MCUB: variants seen among roughly 807,000 people sequenced by gnomAD.
MCUB encodes calcium uniporter regulatory subunit MCUb, mitochondrial.
In MCUB, 46 loss-of-function variants were observed where a neutral mutation model predicts 41.4. The ratio of observed to expected loss-of-function variants is 1.11; its 90% confidence interval spans 0.88 to 1.42. The LOEUF (loss-of-function observed/expected upper bound fraction) is 1.42, where lower values mean the gene tolerates loss of function less well. MCUB is among the 40% of genes most tolerant of loss of function. The probability of loss-of-function intolerance (pLI) is 0.00; values close to 1 mark genes in which losing one functional copy is unlikely to be tolerated. For synonymous variants in MCUB, 148 were observed against 148.2 expected (o/e 1.00, Z 0.01); for missense variants, 403 against 404.9 (o/e 1.00, Z 0.04).
At chr4:109,619,630 C>G (rs1314178164) in intron 1 of MCUB, among the ~76,000 whole-genome samples, 1 of 152,078 alleles carries the variant, frequency 6.6e-6, no homozygotes, top group East Asian at 1.9e-4. Flanking sequence ...TCACTTGAAC[C>G]TGGGAGGTGG....
chr4:109,626,626 G>A (rs1030948660), intron 1 of MCUB, among the ~76,000 whole-genome samples: 1 of 151,862 alleles, frequency 6.6e-6, no homozygotes, highest in Non-Finnish European at 1.5e-5. Context: ...AGGCCTGGCC[G>A]ACATGGCAAA....
chr4:109,638,202 C>G (rs940227435), intron 1 of MCUB, among the ~76,000 whole-genome samples: 2 of 151,946 alleles, frequency 1.3e-5, no homozygotes, highest in Non-Finnish European at 1.5e-5. Flanking sequence ...CAAAAAAATA[C>G]AAAAATTAGC....
At chr4:109,685,051 G>A in intron 6 of MCUB, 200 bp from the exon 7 acceptor site, 1 of 420,994 alleles carries the variant, frequency 2.4e-6, no homozygotes. Context: ...CAGCTTGCCT[G>A]TTTTTGAAAG....
intron 1 of MCUB, among the ~76,000 whole-genome samples, chr4:109,638,499 G>T (rs1283769430): frequency 6.6e-6 from 1 of 150,788 alleles, no homozygotes; most frequent in Non-Finnish European, 1.5e-5. Flanking sequence ...TCATCTTTTT[G>T]CTGCTAGAGG....
At chr4:109,610,907 G>A (rs1727995064) in intron 1 of MCUB, among the ~76,000 whole-genome samples, 1 of 152,138 alleles carries the variant, frequency 6.6e-6, no homozygotes, top group Non-Finnish European at 1.5e-5. Flanking sequence ...GCAGAAAGAT[G>A]AGTATCTTCT....
chr4:109,620,096 G>A (rs551425133), intron 1 of MCUB, among the ~76,000 whole-genome samples: 6 of 152,306 alleles, frequency 3.9e-5, no homozygotes, highest in African/African-American at 1.4e-4. Flanking sequence ...TAAGGACAGT[G>A]TTGGAGGAAC....
At chr4:109,591,562 T>G (rs1254788495) in intron 1 of MCUB, among the ~76,000 whole-genome samples, 1 of 152,098 alleles carries the variant, frequency 6.6e-6, no homozygotes, top group Admixed American at 6.6e-5. Flanking sequence ...TCAGTAGACT[T>G]GGGGGAGGGG....
At chr4:109,584,614 A>G (rs980943963) in intron 1 of MCUB, among the ~76,000 whole-genome samples, 2 of 152,130 alleles carry the variant, frequency 1.3e-5, no homozygotes, top group Non-Finnish European at 2.9e-5. Context: ...CCCTCCACAC[A>G]TTGCTTTAAA....
chr4:109,620,710 A>C (rs1469520522), intron 1 of MCUB, among the ~76,000 whole-genome samples: 1 of 151,964 alleles, frequency 6.6e-6, no homozygotes, highest in Non-Finnish European at 1.5e-5. Context: ...AAAAGTAAAG[A>C]GTATTGATTA....
At chr4:109,601,153 A>G (rs1257762339) in intron 1 of MCUB, among the ~76,000 whole-genome samples, 1 of 152,108 alleles carries the variant, frequency 6.6e-6, no homozygotes, top group African/African-American at 2.4e-5. Context: ...TAGTAGGTGT[A>G]TATATTTATG....
At chr4:109,586,772 A>G (rs569785934) in intron 1 of MCUB, among the ~76,000 whole-genome samples, 10 of 152,294 alleles carry the variant, frequency 6.6e-5, no homozygotes, top group Admixed American at 1.3e-4. Flanking sequence ...TTGCCTGGGT[A>G]TCACTAGCAG....
chr4:109,591,650 A>C (rs756836617), intron 1 of MCUB, among the ~76,000 whole-genome samples: 23 of 152,204 alleles, frequency 1.5e-4, no homozygotes, highest in Non-Finnish European at 2.5e-4. Flanking sequence ...ATCAATAACT[A>C]GAGAGAGAAT....
chr4:109,595,079 C>T (rs1340417450), intron 1 of MCUB, among the ~76,000 whole-genome samples: 3 of 151,588 alleles, frequency 2.0e-5, no homozygotes, highest in African/African-American at 7.3e-5. Context: ...TTATTCAACT[C>T]GGAAAATATA....
chr4:109,687,016 TA>T (rs1729860143), intron 7 of MCUB, among the ~76,000 whole-genome samples: 3 of 141,148 alleles, frequency 2.1e-5, no homozygotes, highest in African/African-American at 9.7e-5. Context: ...GTATAAACTG[TA>T]TTTTTTTTTA....
At chr4:109,660,712 A>T (rs1159516279) in intron 3 of MCUB, among the ~76,000 whole-genome samples, 1 of 152,050 alleles carries the variant, frequency 6.6e-6, no homozygotes, top group Non-Finnish European at 1.5e-5. Flanking sequence ...GCTACTTGGG[A>T]GGCTGAGGCA....
chr4:109,636,889 T>G (rs1051809404), intron 1 of MCUB, among the ~76,000 whole-genome samples: 7 of 152,212 alleles, frequency 4.6e-5, no homozygotes, highest in African/African-American at 1.7e-4. Context: ...AAGTGGCGAT[T>G]GCTTCTGCAA....
At chr4:109,682,320 G>T (rs1352897712) in intron 4 of MCUB, among the ~76,000 whole-genome samples, 1 of 110,828 alleles carries the variant, frequency 9.0e-6, no homozygotes, top group Non-Finnish European at 1.8e-5. Context: ...CATTTTTTTG[G>T]TGACTTTTTT....
intron 1 of MCUB, among the ~76,000 whole-genome samples, chr4:109,610,480 G>A (rs1224133918): frequency 6.6e-6 from 1 of 152,140 alleles, no homozygotes; most frequent in Admixed American, 6.6e-5. Flanking sequence ...CGAATATGAT[G>A]AAATATATTG....
At chr4:109,625,133 C>T (rs189220811) in intron 1 of MCUB, among the ~76,000 whole-genome samples, 2,226 of 152,164 alleles carry the variant, frequency 0.015, 22 homozygotes, top group Middle Eastern at 0.021. Flanking sequence ...GAGCAAGACT[C>T]TGTCTCAAAA....
Sources: allele counts gnomAD v4.1 joint callset (sites outside exome capture counted in the v4.1 genomes callset), GRCh38; gene constraint gnomAD v4.1.1; transcripts MANE v1.5; gene names NCBI Gene and HGNC (gene_info 2026-07-23, HGNC 2026-07-21).